Variants in SVEP1 observed in about 807,000 individuals in gnomAD.
SVEP1 encodes the protein sushi, von Willebrand factor type A, EGF and pentraxin domain containing 1.
Under a neutral mutation model 367.3 loss-of-function variants are expected in SVEP1, and 164 were observed. The observed-to-expected ratio is 0.45, with a 90% CI of 0.39 to 0.51. The LOEUF is 0.51. Among genes scored for constraint, SVEP1 ranks in the 20% least tolerant of loss-of-function variants. The probability of loss-of-function intolerance (pLI) is 0.00; values close to 1 mark genes in which losing one functional copy is unlikely to be tolerated. For synonymous variants in SVEP1, 1,666 were observed against 1,611.6 expected (o/e 1.03, Z -0.81); for missense variants, 4,117 against 4,425.3 (o/e 0.93, Z 1.98).
rs1445392232 is a variant in SVEP1, at chr9:110,427,489, G to A, written c.5975+102C>T. 11 of 1,383,948 alleles carry A rather than the reference G, an allele frequency of 7.9e-6. No individual in the cohort carries two copies. The East Asian group carries it at 1.2e-4, about 15-fold the overall frequency. 85.7% of individuals were successfully genotyped at this position (1,383,948 alleles called of 1,614,324 possible). ...CATAAGGCTCTCTTTGTCTTTGGCT[G>A]CCAGGAAATTAAATTTCGTGTCCAA... On this transcript the variant is annotated intron_variant, in intron 36 of 47. Transcript: ENST00000374469.
chr9:110,428,571 G>A (rs763874915), intron 35 of SVEP1, among the ~76,000 whole-genome samples: 1 of 152,132 alleles, frequency 6.6e-6, no homozygotes, highest in Non-Finnish European at 1.5e-5. Flanking sequence ...TTCTGTTTAT[G>A]CTTCATAAAC....
chr9:110,503,427 G>A (rs1258271203), intron 5 of SVEP1, among the ~76,000 whole-genome samples: 3 of 152,056 alleles, frequency 2.0e-5, no homozygotes, highest in Non-Finnish European at 4.4e-5. Flanking sequence ...TAATATCATC[G>A]CATGCAGCCC....
chr9:110,470,659 C>T (rs111676675), intron 16 of SVEP1, among the ~76,000 whole-genome samples: 21,903 of 151,818 alleles, frequency 0.14, 2,045 homozygotes, highest in Admixed American at 0.2. Context: ...TGGTCTCGAA[C>T]TCCTGGGCTC....
In SVEP1 at chr9:110,513,931, A is replaced by C. The variant is rs761590276; in HGVS notation, c.1123+17T>G. 1 of 1,602,496 alleles carries C rather than the reference A, an allele frequency of 6.2e-7. No homozygotes were observed. Among genetic ancestry groups the C allele is most frequent in the Admixed American group, 1.7e-5 (1 of 59,190 alleles). Reference sequence around the variant, plus strand: ...TCAGCTTTTATATTTCCCATTTTCCAACAGTGGGAGACTCACGTTCACAGG... The same window carrying C: ...TCAGCTTTTATATTTCCCATTTTCCCACAGTGGGAGACTCACGTTCACAGG... On this transcript the variant is annotated intron_variant, in intron 4 of 47. Transcript: ENST00000374469.
chr9:110,457,603 G>A (rs1164874556), intron 20 of SVEP1, among the ~76,000 whole-genome samples: 4 of 152,142 alleles, frequency 2.6e-5, no homozygotes, highest in South Asian at 2.1e-4. Context: ...CTGCATGCTA[G>A]AATACAATTG....
chr9:110,550,241 A>C, intron 1 of SVEP1, 137 bp from the exon 2 acceptor site: 4 of 1,137,856 alleles, frequency 3.5e-6, no homozygotes, highest in Non-Finnish European at 5.0e-6. Context: ...AGTCAGAGTA[A>C]AACAGAAATA....
intron 11 of SVEP1, 71 bp from the exon 12 acceptor site, chr9:110,481,507 G>T: frequency 1.6e-6 from 2 of 1,213,978 alleles, no homozygotes; most frequent in Non-Finnish European, 2.1e-6. Flanking sequence ...AGGAGCTTAA[G>T]CAGAATTTTG....
intron 5 of SVEP1, among the ~76,000 whole-genome samples, chr9:110,509,111 G>A (rs1829671175): frequency 6.6e-6 from 1 of 152,120 alleles, no homozygotes; most frequent in Non-Finnish European, 1.5e-5. Flanking sequence ...ATATTTCATT[G>A]AATCCCCATT....
At chr9:110,455,449 G>C (rs1236986020) in intron 22 of SVEP1, 141 bp downstream of exon 22, 4 of 636,842 alleles carry the variant, frequency 6.3e-6, no homozygotes, top group Non-Finnish European at 1.0e-5. Context: ...ATGCAAATAA[G>C]TAATATTAGA....
At chr9:110,427,855 G>T (rs1564139769) in intron 35 of SVEP1, 97 bp from the exon 36 acceptor site, 1 of 1,401,148 alleles carries the variant, frequency 7.1e-7, no homozygotes, top group Admixed American at 2.5e-5. Context: ...GGACATTTGA[G>T]GAATTTGAGT....
At chr9:110,476,843 G>A (rs891624534) in intron 13 of SVEP1, among the ~76,000 whole-genome samples, 10 of 152,250 alleles carry the variant, frequency 6.6e-5, no homozygotes, top group African/African-American at 2.4e-4. Flanking sequence ...TGAAGGTGGA[G>A]GAAGGTCCTT....
rs540266145 is a variant in SVEP1 at position 110,406,216 on chromosome 9, G to T, written c.9384C>A (p.Val3128=). Residue 3128 remains valine (V), a synonymous_variant, in exon 38 of 48, where the codon GTC becomes GTA. Transcript: ENST00000374469. Reference sequence around the variant, plus strand: ...CCTCTCCAGTTGCCACTGCATTGGCGACAGACGGTGGGGACCCACAGGACA... The same window carrying T: ...CCTCTCCAGTTGCCACTGCATTGGCTACAGACGGTGGGGACCCACAGGACA... ...EPLSCGSPPS[V]ANAVATGEAH... is the part of the protein sequence containing the mutation. The T allele has an allele frequency of 6.2e-7, 1 of 1,609,638 alleles. No homozygotes were observed. Among genetic ancestry groups the T allele is most frequent in the Non-Finnish European group, 8.5e-7 (1 of 1,177,506 alleles).
intron 10 of SVEP1, 99 bp downstream of exon 10, chr9:110,483,487 T>A (rs574712170): frequency 1.6e-6 from 1 of 630,866 alleles, no homozygotes; most frequent in African/African-American, 1.9e-5. Flanking sequence ...CCCTAGACAG[T>A]TGTTATTTGC....
intron 37 of SVEP1, among the ~76,000 whole-genome samples, chr9:110,409,347 A>T (rs992577297): frequency 6.6e-6 from 1 of 152,144 alleles, no homozygotes; most frequent in Non-Finnish European, 1.5e-5. Context: ...ACTTGAACCC[A>T]GGAGGCAGAG....
At chr9:110,524,686 C>T (rs1048641545) in intron 3 of SVEP1, among the ~76,000 whole-genome samples, 3 of 146,338 alleles carry the variant, frequency 2.1e-5, no homozygotes, top group Non-Finnish European at 4.5e-5. Flanking sequence ...AGAGAAACCT[C>T]AAAATCATAC....
intron 5 of SVEP1, among the ~76,000 whole-genome samples, chr9:110,506,801 G>A (rs34855245): frequency 0.033 from 4,999 of 152,158 alleles, 113 homozygotes; most frequent in Non-Finnish European, 0.048. Context: ...AGGGAGGGGA[G>A]AAGAAAGGAA....
At chr9:110,563,594 G>A (rs1830455827) in intron 1 of SVEP1, among the ~76,000 whole-genome samples, 1 of 152,144 alleles carries the variant, frequency 6.6e-6, no homozygotes, top group East Asian at 1.9e-4. Context: ...ACTCTGTTGT[G>A]TGGTTGGATA....
At chr9:110,462,281 A>C (rs905549145) in intron 18 of SVEP1, among the ~76,000 whole-genome samples, 2 of 152,118 alleles carry the variant, frequency 1.3e-5, no homozygotes, top group Non-Finnish European at 2.9e-5. Flanking sequence ...TAAATCTATT[A>C]GCTTCTAAAA....
At chr9:110,369,861 C>G in intron 47 of SVEP1, 62 bp downstream of exon 47, 9 of 1,415,346 alleles carry the variant, frequency 6.4e-6, no homozygotes. Flanking sequence ...GCTCTTAGGA[C>G]AATTTACTTG....
Sources: gnomAD v4.1 joint callset for allele counts (sites outside exome capture counted in the v4.1 genomes callset) on GRCh38, gnomAD v4.1.1 for gene constraint, MANE v1.5 for transcripts, NCBI Gene and HGNC (gene_info 2026-07-23, HGNC 2026-07-21) for gene names.